Variants in URI1 observed in about 807,000 individuals in gnomAD.
URI1 encodes URI1 prefoldin like chaperone.
Under a neutral mutation model 60.2 loss-of-function variants are expected in URI1, and 39 were observed. That is an observed-to-expected ratio of 0.65 (90% CI 0.50 to 0.85). The LOEUF (loss-of-function observed/expected upper bound fraction) is 0.85. Ranked by LOEUF, URI1 falls within the 40% of genes least tolerant of loss-of-function variation. URI1 has a pLI of 0.00. For missense variants in URI1, 691 were observed against 665.9 expected, an observed-to-expected ratio of 1.04 and a Z score of -0.42; for synonymous variants, 251 against 236.8, an observed-to-expected ratio of 1.06 and a Z score of -0.55.
intron 2 of URI1, among the ~76,000 whole-genome samples, chr19:29,974,443 A>G (rs1477693488): frequency 2.0e-5 from 3 of 152,180 alleles, no homozygotes; most frequent in Non-Finnish European, 4.4e-5. Context: ...ACTTTTTGGT[A>G]TGAAGAATTT....
At chr19:29,942,110 CG>C, upstream of URI1, 1 of 578,700 alleles carries the variant, frequency 1.7e-6, no homozygotes, top group Non-Finnish European at 2.2e-6. Context: ...CAGCCCAGCG[CG>C]GACACCGCCA....
chr19:29,929,876 T>A (rs2054901640), intron 1 of URI1, among the ~76,000 whole-genome samples: 1 of 151,720 alleles, frequency 6.6e-6, no homozygotes, highest in African/African-American at 2.4e-5. Context: ...ATATATAAGA[T>A]ACAAGATTTG....
intron 2 of URI1, among the ~76,000 whole-genome samples, chr19:29,975,500 C>CTTTT (rs10717602): frequency 4.1e-5 from 3 of 72,332 alleles, no homozygotes; most frequent in African/African-American, 1.5e-4. Flanking sequence ...GTTCTGTTTA[C>CTTTT]TTTTTTTTTT....
intron 1 of URI1, chr19:29,957,135 T>C (rs925859958): frequency 7.2e-6 from 3 of 418,786 alleles, no homozygotes; most frequent in African/African-American, 6.1e-5. Flanking sequence ...ATTTATGTTT[T>C]GAAATTTTAA....
upstream of URI1, among the ~76,000 whole-genome samples, chr19:29,940,951 C>T (rs576213231): frequency 1.4e-4 from 22 of 152,266 alleles, no homozygotes; most frequent in South Asian, 4.6e-3. Context: ...TAACAATGGT[C>T]AGGTCCTGGC....
At chr19:29,950,202 A>AT (rs57618057) in intron 1 of URI1, among the ~76,000 whole-genome samples, 145,710 of 152,270 alleles carry the variant, frequency 0.96, 69,737 homozygotes, top group East Asian at 1. Context: ...GAAAAAACCC[A>AT]TTTCATTGTT....
At chr19:30,000,594 G>T (rs1371096406) in intron 4 of URI1, among the ~76,000 whole-genome samples, 1 of 151,818 alleles carries the variant, frequency 6.6e-6, no homozygotes, top group East Asian at 1.9e-4. Context: ...ACATTATTCT[G>T]TTACCTCCTG....
At chr19:29,968,212 A>G (rs2055412799) in intron 1 of URI1, among the ~76,000 whole-genome samples, 1 of 152,232 alleles carries the variant, frequency 6.6e-6, no homozygotes, top group African/African-American at 2.4e-5. Context: ...ATTTTTAAGA[A>G]AAATGAAAAT....
At chr19:30,011,370 T>C in intron 9 of URI1, 134 bp downstream of exon 9, 1 of 1,140,886 alleles carries the variant, frequency 8.8e-7, no homozygotes, top group Non-Finnish European at 1.2e-6. Context: ...GGAGTTAACT[T>C]AGGATCTGAT....
chr19:29,939,790 C>T (rs2055005753), upstream of URI1, among the ~76,000 whole-genome samples: 1 of 152,056 alleles, frequency 6.6e-6, no homozygotes, highest in East Asian at 1.9e-4. Flanking sequence ...GTGCAAAGGC[C>T]CTGAGGCAGG....
At chr19:29,986,973 C>G (rs1347044232) in intron 4 of URI1, among the ~76,000 whole-genome samples, 1 of 152,076 alleles carries the variant, frequency 6.6e-6, no homozygotes, top group African/African-American at 2.4e-5. Context: ...CTCTGCATCC[C>G]TTTATTAGGG....
Position 30,015,208 on chromosome 19 carries a change from C to G in URI1, c.*139C>G. The G allele has an allele frequency of 7.0e-7, 1 of 1,424,656 alleles. No individual in the cohort carries two copies. The highest frequency in any genetic ancestry group is 9.2e-7 in the Non-Finnish European group (1 of 1,091,866). 88.3% of individuals were successfully genotyped at this position (1,424,656 alleles called of 1,614,324 possible). On this transcript the variant is annotated 3_prime_UTR_variant, in exon 11 of 11. Coordinates refer to ENST00000392271, the MANE Select transcript of URI1 (RefSeq NM_003796.3). ...TGGCAACAAGTTCTTTTACCCTTAC[C>G]CGTGGTATTTGAAAAAAATCAAGGT...
intron 4 of URI1, among the ~76,000 whole-genome samples, chr19:29,999,626 G>A (rs772208080): frequency 1.3e-5 from 2 of 151,966 alleles, no homozygotes; most frequent in Non-Finnish European, 2.9e-5. Flanking sequence ...TTGTTCAACA[G>A]TTTGATTATA....
At chr19:29,995,087 T>G (rs928872439) in intron 4 of URI1, among the ~76,000 whole-genome samples, 14 of 152,114 alleles carry the variant, frequency 9.2e-5, no homozygotes, top group African/African-American at 2.9e-4. Context: ...CGGCCCTATG[T>G]TGTATTTTTT....
chr19:30,007,234 T>C (rs79758762), intron 6 of URI1, among the ~76,000 whole-genome samples: 1,981 of 152,136 alleles, frequency 0.013, 27 homozygotes, highest in Non-Finnish European at 0.022. Flanking sequence ...AGGGTGTCCT[T>C]AGAGCTTACA....
At chr19:29,927,594 A>T (rs2054880830) in intron 1 of URI1, among the ~76,000 whole-genome samples, 2 of 73,554 alleles carry the variant, frequency 2.7e-5, no homozygotes, top group African/African-American at 1.6e-4. Flanking sequence ...TTTGAGACAG[A>T]GTCTCACTCT....
At chr19:29,943,143 C>A (rs1219001500) in intron 1 of URI1, among the ~76,000 whole-genome samples, 1 of 152,052 alleles carries the variant, frequency 6.6e-6, no homozygotes, top group African/African-American at 2.4e-5. Context: ...GAGAGTCTCA[C>A]TATGTTGCCC....
chr19:29,953,972 T>TA (rs2055211238), intron 1 of URI1, among the ~76,000 whole-genome samples: 1 of 152,030 alleles, frequency 6.6e-6, no homozygotes, highest in South Asian at 2.1e-4. Flanking sequence ...AGAAAGAAAC[T>TA]AAAAAAATAA....
chr19:29,989,937 G>A (rs959106941), intron 4 of URI1, among the ~76,000 whole-genome samples: 14 of 151,980 alleles, frequency 9.2e-5, no homozygotes, highest in African/African-American at 3.1e-4. Flanking sequence ...TATGTGTGGT[G>A]TCATATCTAA....
Sources: allele counts gnomAD v4.1 joint callset (sites outside exome capture counted in the v4.1 genomes callset), GRCh38; gene constraint gnomAD v4.1.1; transcripts MANE v1.5; gene names NCBI Gene and HGNC (gene_info 2026-07-23, HGNC 2026-07-21).